Variants in SETD5 observed in about 807,000 individuals in gnomAD.
SETD5 encodes SET domain containing 5, also known as histone-lysine N-methyltransferase SETD5.
Under a neutral mutation model 153.3 loss-of-function variants are expected in SETD5, and 44 were observed. The observed-to-expected ratio is 0.29, with a 90% CI of 0.23 to 0.37. The LOEUF is 0.37. SETD5 is among the 10% of genes least tolerant of loss of function. SETD5 has a pLI of 1.00. For synonymous variants in SETD5, 716 were observed against 645.2 expected, an observed-to-expected ratio of 1.11 and a Z score of -1.66; for missense variants, 1,544 against 1,768.0, an observed-to-expected ratio of 0.87 and a Z score of 2.27.
At chr3:9,423,586 C>G (rs553382212) in intron 1 of SETD5, among the ~76,000 whole-genome samples, 50 of 152,016 alleles carry the variant, frequency 3.3e-4, no homozygotes, top group African/African-American at 1.1e-3. Context: ...CTTCCTTTTA[C>G]TGTTACTTTG....
Position 9,475,486 on chromosome 3 carries a change from C to T in SETD5, c.3724C>T (p.Leu1242=), listed in dbSNP as rs567604874. 6.2e-7 allele frequency: 1 copy of T among 1,608,432 alleles called. No individual in the cohort carries two copies. Among genetic ancestry groups the T allele is most frequent in the Non-Finnish European group, 8.5e-7 (1 of 1,175,612 alleles). The change falls in exon 23 of 23, where the codon CTG becomes TTG. Residue 1242 remains leucine (L), a synonymous_variant. Coordinates refer to ENST00000402198, the MANE Select transcript of SETD5 (RefSeq NM_001080517.3). ...YSPSRYSYQL[L]QCDSPRTESQ... ...GTTTCCTCCCAACTTTGTCTAGCTC[C>T]TGCAGTGTGATAGTCCTCGGACAGA...
At chr3:9,426,873 A>G (rs763196470) in intron 2 of SETD5, among the ~76,000 whole-genome samples, 34 of 151,870 alleles carry the variant, frequency 2.2e-4, no homozygotes, top group Admixed American at 9.2e-4. Context: ...GTCACCTCCA[A>G]TTGGGTGTAG....
intron 1 of SETD5, among the ~76,000 whole-genome samples, chr3:9,398,840 C>G (rs2034232747): frequency 6.6e-6 from 1 of 152,208 alleles, no homozygotes; most frequent in African/African-American, 2.4e-5. Context: ...CTAATTGATT[C>G]TATAGAGTCC....
intron 16 of SETD5, among the ~76,000 whole-genome samples, chr3:9,451,092 C>G (rs2042575641): frequency 6.6e-6 from 1 of 152,188 alleles, no homozygotes; most frequent in Non-Finnish European, 1.5e-5. Flanking sequence ...CTAAACTCCT[C>G]TTCTAAACAC....
chr3:9,422,532 A>T (rs1469617476), intron 1 of SETD5, among the ~76,000 whole-genome samples: 4 of 152,228 alleles, frequency 2.6e-5, no homozygotes, highest in Non-Finnish European at 5.9e-5. Flanking sequence ...ATAAATTTTC[A>T]TATTTATGTT....
At chr3:9,439,764 T>A (rs1042973633) in intron 7 of SETD5, among the ~76,000 whole-genome samples, 2 of 152,194 alleles carry the variant, frequency 1.3e-5, no homozygotes, top group Non-Finnish European at 2.9e-5. Context: ...TTCTATATTC[T>A]CCCTACCTAC....
At chr3:9,406,871 C>G (rs1014120624) in intron 1 of SETD5, among the ~76,000 whole-genome samples, 17 of 151,950 alleles carry the variant, frequency 1.1e-4, no homozygotes, top group African/African-American at 3.9e-4. Flanking sequence ...AAAAGTTTAC[C>G]CAATATTTAG....
At position 9,435,553 on chromosome 3, in the gene SETD5, A is replaced by T. The variant is rs150269792; in HGVS notation, c.389-175A>T. ...AGGGTTTATATGCTTAATGCCAATG[A>T]CATAGAATCTTGTTTTCTTAAGGAA... is the stretch of plus-strand genomic sequence containing the variant. On this transcript the variant is annotated intron_variant, in intron 6 of 22. Transcript: ENST00000402198. 6.5e-3 allele frequency among the ~76,000 whole-genome samples: 993 copies of T among 152,394 alleles called. 9 individuals carry two copies. The highest frequency in any genetic ancestry group is 0.031 in the Middle Eastern group (9 of 294).
At chr3:9,437,513 C>T (rs2125130072) in intron 7 of SETD5, among the ~76,000 whole-genome samples, 1 of 127,616 alleles carries the variant, frequency 7.8e-6, no homozygotes, top group South Asian at 2.3e-4. Flanking sequence ...TGTCTGGTAT[C>T]CTCCTTTACG....
rs2042198113 is a variant in SETD5 at position 9,447,887 on chromosome 3, G to T, written c.1984G>T (p.Ala662Ser). 6.2e-7 allele frequency: 1 copy of T among 1,614,010 alleles called. No homozygotes were observed. The highest frequency in any genetic ancestry group is 2.2e-5 in the East Asian group (1 of 44,882). Residue 662 changes from alanine (A) to serine (S), a missense_variant, in exon 15 of 23, where the codon GCT becomes TCT. Physicochemically the swap from Ala to Ser is moderately conservative, Grantham distance 99 (BLOSUM62 1). This residue lies in a region of SETD5 where 782 missense variants were observed against 787.2 expected (regional missense o/e 0.99). Transcript: ENST00000402198. Reference protein sequence around the residue: ...GSNSLVTPTEAGSLDSSGENR... With the variant: ...GSNSLVTPTESGSLDSSGENR... ...TAACAGTTTAGTAACTCCTACTGAAGCTGGAAGTCTAGACAGTTCAGGAGA... is the reference window on the plus strand; with the variant it reads ...TAACAGTTTAGTAACTCCTACTGAATCTGGAAGTCTAGACAGTTCAGGAGA...
chr3:9,469,580 A>C (rs915530912), intron 18 of SETD5, among the ~76,000 whole-genome samples: 1 of 152,190 alleles, frequency 6.6e-6, no homozygotes, highest in Non-Finnish European at 1.5e-5. Context: ...CTAGCTTGTT[A>C]GGAAAGTAAA....
At chr3:9,459,030 C>T (rs2043597704) in intron 17 of SETD5, among the ~76,000 whole-genome samples, 1 of 152,090 alleles carries the variant, frequency 6.6e-6, no homozygotes, top group Admixed American at 6.5e-5. Context: ...ATCTATGCTT[C>T]AGGATTCGAC....
At chr3:9,402,361 A>C (rs1028794890) in intron 1 of SETD5, among the ~76,000 whole-genome samples, 13 of 152,206 alleles carry the variant, frequency 8.5e-5, no homozygotes, top group Non-Finnish European at 7.3e-5. Flanking sequence ...TCACTGAGCA[A>C]GGAATTTGTA....
intron 1 of SETD5, among the ~76,000 whole-genome samples, chr3:9,423,806 T>A (rs2038768215): frequency 6.6e-6 from 1 of 152,214 alleles, no homozygotes; most frequent in African/African-American, 2.4e-5. Context: ...TGGCTAGCGT[T>A]AAATTTGACT....
chr3:9,432,238 T>C (rs1388157334), intron 3 of SETD5: 1 of 972,164 alleles, frequency 1.0e-6, no homozygotes, highest in Admixed American at 6.2e-5. Flanking sequence ...CAGAGAATAC[T>C]TTCCTCTGTC....
chr3:9,413,770 T>TTTTTG (rs200427611), intron 1 of SETD5, among the ~76,000 whole-genome samples: 54 of 151,640 alleles, frequency 3.6e-4, no homozygotes, highest in African/African-American at 1.0e-3. Flanking sequence ...TTTTTGTTTG[T>TTTTTG]TTTTGTTTTG....
intron 21 of SETD5, 149 bp downstream of exon 21, chr3:9,474,731 T>C: frequency 9.3e-7 from 1 of 1,072,622 alleles, no homozygotes; most frequent in East Asian, 2.4e-5. Flanking sequence ...TTATGCTCAT[T>C]TGGGCTACCA....
At chr3:9,399,545 CATT>C (rs1399569049) in intron 1 of SETD5, among the ~76,000 whole-genome samples, 1 of 151,918 alleles carries the variant, frequency 6.6e-6, no homozygotes, top group Non-Finnish European at 1.5e-5. Context: ...CTCAGACTGT[CATT>C]ATGTGTAGAA....
intron 7 of SETD5, among the ~76,000 whole-genome samples, chr3:9,438,369 A>G (rs1192914536): frequency 1.3e-5 from 2 of 152,184 alleles, no homozygotes; most frequent in Non-Finnish European, 2.9e-5. Context: ...TGGCTACTAA[A>G]TGCTTTTCTC....
Sources: allele counts gnomAD v4.1 joint callset (sites outside exome capture counted in the v4.1 genomes callset), GRCh38; gene constraint gnomAD v4.1.1; regional missense constraint gnomAD v4.1.1; transcripts MANE v1.5; gene names NCBI Gene and HGNC (gene_info 2026-07-23, HGNC 2026-07-21).